The following XRCC4 variants were observed in gnomAD, a reference collection of about 807,000 sequenced individuals.
The protein encoded by XRCC4 is X-ray repair cross complementing 4.
A neutral mutation model predicts 39.1 loss-of-function variants in XRCC4; 28 were observed. The ratio of observed to expected loss-of-function variants is 0.72; its 90% CI spans 0.53 to 0.98. The LOEUF is 0.98. Ranked by LOEUF, XRCC4 falls within the 50% of genes least tolerant of loss-of-function variation. The pLI, the probability that XRCC4 is intolerant of heterozygous loss-of-function variation, is 0.00. For missense variants in XRCC4, 350 were observed against 376.4 expected, an observed-to-expected ratio of 0.93 and a Z score of 0.58; for synonymous variants, 123 against 126.4, an observed-to-expected ratio of 0.97 and a Z score of 0.18.
intron 1 of XRCC4, among the ~76,000 whole-genome samples, chr5:83,081,453 T>C (rs1255459187): frequency 1.3e-5 from 2 of 152,164 alleles, no homozygotes; most frequent in Non-Finnish European, 2.9e-5. Context: ...CAATTCAGAC[T>C]GAAATGTACT....
intron 3 of XRCC4, among the ~76,000 whole-genome samples, chr5:83,162,074 G>A (rs1297974094): frequency 6.6e-6 from 1 of 152,170 alleles, no homozygotes; most frequent in Non-Finnish European, 1.5e-5. Flanking sequence ...GGCTGAGGCA[G>A]GAGTGTGGCA....
chr5:83,282,896 C>T (rs1343226284), intron 7 of XRCC4, among the ~76,000 whole-genome samples: 1 of 151,812 alleles, frequency 6.6e-6, no homozygotes, highest in Non-Finnish European at 1.5e-5. Context: ...TCTGTAAATT[C>T]TAGTAACTTA....
At chr5:83,147,136 A>T (rs1748490766) in intron 3 of XRCC4, among the ~76,000 whole-genome samples, 1 of 152,182 alleles carries the variant, frequency 6.6e-6, no homozygotes, top group Non-Finnish European at 1.5e-5. Flanking sequence ...AAATGTGGGT[A>T]GAATCCATGG....
At chr5:83,107,693 C>A (rs1028891922) in intron 2 of XRCC4, among the ~76,000 whole-genome samples, 5 of 151,800 alleles carry the variant, frequency 3.3e-5, no homozygotes, top group African/African-American at 1.2e-4. Flanking sequence ...CTTATATCAC[C>A]CATCTCTGGA....
intron 7 of XRCC4, among the ~76,000 whole-genome samples, chr5:83,306,225 A>G (rs188168434): frequency 6.6e-5 from 10 of 152,212 alleles, no homozygotes; most frequent in African/African-American, 2.2e-4. Context: ...ATATATATAC[A>G]CACACACAAA....
intron 7 of XRCC4, among the ~76,000 whole-genome samples, chr5:83,273,622 GT>G (rs1754220306): frequency 6.6e-6 from 1 of 152,106 alleles, no homozygotes; most frequent in South Asian, 2.1e-4. Flanking sequence ...TCTAGTTTCA[GT>G]TTTCTGCATA....
At chr5:83,198,263 A>G (rs1162012224) in intron 4 of XRCC4, among the ~76,000 whole-genome samples, 6 of 152,070 alleles carry the variant, frequency 3.9e-5, no homozygotes, top group African/African-American at 7.2e-5. Context: ...TCTATACTAC[A>G]TATGAAGGGA....
intron 7 of XRCC4, among the ~76,000 whole-genome samples, chr5:83,321,876 C>T (rs2112134395): frequency 6.6e-6 from 1 of 151,478 alleles, no homozygotes; most frequent in Admixed American, 6.6e-5. Flanking sequence ...ACCAAAATGG[C>T]ACAAAGACCA....
intron 7 of XRCC4, among the ~76,000 whole-genome samples, chr5:83,275,200 C>T (rs1754281649): frequency 6.6e-6 from 1 of 151,988 alleles, no homozygotes; most frequent in Admixed American, 6.6e-5. Context: ...GCTTGAAAAA[C>T]TGGGTAAATG....
chr5:83,271,287 T>C (rs1229443992), intron 7 of XRCC4, among the ~76,000 whole-genome samples: 1 of 152,188 alleles, frequency 6.6e-6, no homozygotes, highest in Non-Finnish European at 1.5e-5. Context: ...GTTTGGAATA[T>C]CATAGATTAT....
chr5:83,339,323 A>T (rs1756685800), intron 7 of XRCC4, among the ~76,000 whole-genome samples: 1 of 152,124 alleles, frequency 6.6e-6, no homozygotes, highest in South Asian at 2.1e-4. Flanking sequence ...CCCACTTTTC[A>T]TTCACACATG....
At chr5:83,159,488 T>C (rs998875101) in intron 3 of XRCC4, among the ~76,000 whole-genome samples, 1 of 152,162 alleles carries the variant, frequency 6.6e-6, no homozygotes, top group African/African-American at 2.4e-5. Flanking sequence ...TTGATGAATA[T>C]ACAACTATAA....
At chr5:83,121,961 C>T (rs559946186) in intron 3 of XRCC4, among the ~76,000 whole-genome samples, 2 of 152,198 alleles carry the variant, frequency 1.3e-5, no homozygotes, top group African/African-American at 4.8e-5. Context: ...TTTTCTTGCA[C>T]TTTGTTGAAA....
At chr5:83,094,883 TC>T (rs1227024721) in intron 1 of XRCC4, among the ~76,000 whole-genome samples, 15 of 99,996 alleles carry the variant, frequency 1.5e-4, no homozygotes, top group African/African-American at 6.1e-4. Flanking sequence ...TATTCTGAAA[TC>T]TTTTTTTTTT....
chr5:83,350,035 T>C (rs1039449683), intron 7 of XRCC4, among the ~76,000 whole-genome samples: 4 of 152,190 alleles, frequency 2.6e-5, no homozygotes, highest in Non-Finnish European at 5.9e-5. Flanking sequence ...GTTCCTGCAT[T>C]AATTTGCTCT....
At chr5:83,151,060 A>G (rs753248683) in intron 3 of XRCC4, among the ~76,000 whole-genome samples, 5 of 152,136 alleles carry the variant, frequency 3.3e-5, no homozygotes, top group Non-Finnish European at 5.9e-5. Flanking sequence ...TGTGCATTTT[A>G]AAATAGCAAG....
chr5:83,277,711 CA>C (rs1754383685), intron 7 of XRCC4, among the ~76,000 whole-genome samples: 2 of 152,142 alleles, frequency 1.3e-5, no homozygotes, highest in African/African-American at 2.4e-5. Flanking sequence ...GCAGAATAGT[CA>C]AAATAAACCA....
At chr5:83,189,057 T>C (rs759586204) in intron 3 of XRCC4, among the ~76,000 whole-genome samples, 1 of 152,208 alleles carries the variant, frequency 6.6e-6, no homozygotes, top group African/African-American at 2.4e-5. Context: ...CCGGTTATTA[T>C]AGGGAAAGTC....
intron 1 of XRCC4, among the ~76,000 whole-genome samples, chr5:83,090,956 T>C (rs994077408): frequency 6.6e-6 from 1 of 152,204 alleles, no homozygotes; most frequent in Non-Finnish European, 1.5e-5. Context: ...TTGAATGCAA[T>C]GCAGAATGGT....
Sources: allele counts gnomAD v4.1 joint callset (sites outside exome capture counted in the v4.1 genomes callset), GRCh38; gene constraint gnomAD v4.1.1; transcripts MANE v1.5; gene names NCBI Gene and HGNC (gene_info 2026-07-23, HGNC 2026-07-21).